PIGN: variants seen among roughly 807,000 people sequenced by gnomAD.
PIGN encodes phosphatidylinositol glycan anchor biosynthesis class N.
Under a neutral mutation model 125.4 loss-of-function variants are expected in PIGN, and 117 were observed. That is an observed-to-expected ratio of 0.93 (90% CI 0.80 to 1.09). The LOEUF (loss-of-function observed/expected upper bound fraction) is 1.09. Among genes scored for constraint, PIGN ranks in the 50% least tolerant of loss-of-function variants. PIGN has a pLI of 0.00. For missense variants in PIGN, 1,075 were observed against 1,094.9 expected, an observed-to-expected ratio of 0.98 and a Z score of 0.26; for synonymous variants, 392 against 377.8, an observed-to-expected ratio of 1.04 and a Z score of -0.44.
chr18:62,084,396 G>A, intron 27 of PIGN, 135 bp downstream of exon 27: 1 of 578,056 alleles, frequency 1.7e-6, no homozygotes. Context: ...AAGGGATAGA[G>A]GGTCTCACCT....
At position 62,147,027 on chromosome 18, in the gene PIGN, C is replaced by T. The variant is rs761044680; in HGVS notation, c.749G>A (p.Gly250Glu). ...GATAAATGTTGTTTTCCCATCATTT[C>T]CATAGAAGTGGTTAAACATAGACAC... Reference protein sequence around the residue: ...EIVSMFNHFYGNDGKTTFIFT... With the variant: ...EIVSMFNHFYENDGKTTFIFT... Residue 250 changes from glycine (G) to glutamate (E), a missense_variant, in exon 9 of 31, where the codon GGA becomes GAA. By Grantham distance (98) the Gly-to-Glu change is moderately conservative. Transcript: ENST00000640252. 1.2e-6 allele frequency: 2 copies of T among 1,612,022 alleles called. No homozygotes were observed. Among genetic ancestry groups the T allele is most frequent in the Admixed American group, 3.3e-5 (2 of 59,940 alleles).
intron 30 of PIGN, among the ~76,000 whole-genome samples, chr18:62,062,371 C>T (rs905266503): frequency 6.6e-5 from 10 of 152,184 alleles, no homozygotes; most frequent in Admixed American, 2.6e-4. Context: ...TCTAAGGTTT[C>T]TTATACCTGC....
intron 23 of PIGN, among the ~76,000 whole-genome samples, chr18:62,032,486 G>A (rs1465889797): frequency 1.3e-5 from 2 of 152,100 alleles, no homozygotes; most frequent in Non-Finnish European, 2.9e-5. Context: ...TCAACTTCAG[G>A]AGCATGTTTT....
At chr18:62,156,999 T>G in intron 6 of PIGN, 130 bp downstream of exon 6, 1 of 522,678 alleles carries the variant, frequency 1.9e-6, no homozygotes, top group Non-Finnish European at 3.4e-6. Flanking sequence ...ACATCCCTAT[T>G]TCAGAAATGT....
intron 28 of PIGN, among the ~76,000 whole-genome samples, chr18:62,082,133 T>C (rs1054396736): frequency 1.3e-5 from 2 of 152,110 alleles, no homozygotes; most frequent in African/African-American, 4.8e-5. Context: ...CTTGATTGCT[T>C]AAGACGGACT....
intron 10 of PIGN, among the ~76,000 whole-genome samples, chr18:62,145,138 GA>G (rs754947031): frequency 1.6e-4 from 24 of 151,944 alleles, no homozygotes; most frequent in Non-Finnish European, 3.2e-4. Context: ...TCTCCTACTA[GA>G]ATGTTAAGTT....
intron 1 of PIGN, among the ~76,000 whole-genome samples, chr18:62,168,853 A>ATTTT (rs375012504): frequency 1.6e-5 from 2 of 122,230 alleles, no homozygotes; most frequent in Non-Finnish European, 3.3e-5. Flanking sequence ...ACAACCACTA[A>ATTTT]TTTTTTTTTT....
chr18:62,167,878 A>T (rs2037210298), intron 1 of PIGN, among the ~76,000 whole-genome samples: 1 of 151,996 alleles, frequency 6.6e-6, no homozygotes, highest in Non-Finnish European at 1.5e-5. Context: ...CGGTGTATAT[A>T]AAAAAACAGT....
chr18:62,024,846 A>C (rs995060757), intron 23 of PIGN, among the ~76,000 whole-genome samples: 3 of 152,208 alleles, frequency 2.0e-5, no homozygotes, highest in Admixed American at 1.3e-4. Context: ...CAAAATAAAA[A>C]CAAATACTGA....
In PIGN at chr18:62,057,396, C is replaced by CT. The variant is rs201676368; in HGVS notation, c.2673-11418dup. Among the ~76,000 whole-genome samples, 1,297 of 152,260 alleles carry CT rather than the reference C, an allele frequency of 8.5e-3. 3 individuals are homozygous for CT. The highest frequency in any genetic ancestry group is 0.014 in the South Asian group (66 of 4,832). On this transcript the variant is annotated intron_variant, in intron 30 of 30. Transcript: ENST00000640252. ...ACAAAACTAGGAGTTGCCCTTGATT[C>CT]TTTTTTTCTCCCAGTATATTAGTCT...
chr18:62,136,236 A>G lies in PIGN; in HGVS notation c.1172+2007T>C, dbSNP rs557465717. 3 of 152,364 alleles carry G rather than the reference A, an allele frequency of 2.0e-5. No homozygotes were observed. In the South Asian group the frequency reaches 6.2e-4, roughly 32 times the overall value. The allele number at this position is 152,364 out of a possible 1,614,324, so 9.4% of individuals were successfully genotyped here. A position where few individuals can be genotyped will look rare whatever the true frequency, so the allele number is the denominator to read the frequency against. ...TTAGGGTAATCAATTTTATATGATT[A>G]TAACTTGCAAAATCCTAATTTCATT... On this transcript the variant is annotated intron_variant, in intron 14 of 30. Coordinates refer to ENST00000640252, the MANE Select transcript of PIGN (RefSeq NM_176787.5).
At chr18:62,166,690 T>C (rs111456492) in intron 1 of PIGN, among the ~76,000 whole-genome samples, 10,441 of 152,264 alleles carry the variant, frequency 0.069, 433 homozygotes, top group Middle Eastern at 0.15. Context: ...AAAGAAAATG[T>C]GGCATATATA....
intron 23 of PIGN, among the ~76,000 whole-genome samples, chr18:62,095,350 T>C (rs1599504594): frequency 6.6e-6 from 1 of 152,224 alleles, no homozygotes; most frequent in Admixed American, 6.5e-5. Context: ...TTTTGTTTTG[T>C]TTTGGCAAGA....
intron 21 of PIGN, 136 bp from the exon 22 acceptor site, chr18:62,101,319 T>C (rs2034430495): frequency 6.4e-6 from 4 of 629,282 alleles, no homozygotes; most frequent in Non-Finnish European, 1.1e-5. Context: ...TGAAATACAG[T>C]GGACAGTACA....
intron 17 of PIGN, among the ~76,000 whole-genome samples, chr18:62,109,137 A>C (rs1399820488): frequency 2.0e-5 from 3 of 152,202 alleles, no homozygotes; most frequent in African/African-American, 7.2e-5. Flanking sequence ...ATAGAAACCA[A>C]TAAGATCTGC....
intron 28 of PIGN, among the ~76,000 whole-genome samples, chr18:62,078,358 T>C (rs1187966837): frequency 7.9e-5 from 12 of 152,202 alleles, no homozygotes; most frequent in Admixed American, 7.2e-4. Flanking sequence ...AACCATTCTG[T>C]GGAAACTGAA....
intron 1 of PIGN, among the ~76,000 whole-genome samples, chr18:62,182,651 A>G (rs1811685207): frequency 6.6e-6 from 1 of 152,066 alleles, no homozygotes; most frequent in Admixed American, 6.5e-5. Context: ...TCTCTGATCC[A>G]TTTCTTGCCA....
intron 28 of PIGN, among the ~76,000 whole-genome samples, chr18:62,077,148 T>C (rs1028389017): frequency 1.3e-5 from 2 of 152,104 alleles, no homozygotes; most frequent in South Asian, 2.1e-4. Flanking sequence ...GAGGCCGAGG[T>C]GGGTGAATTG....
rs1456496219 is a variant in PIGN, at chr18:62,157,191, A to G, written c.380T>C (p.Phe127Ser). 1 of 1,609,074 alleles carries G rather than the reference A, an allele frequency of 6.2e-7. No individual in the cohort carries two copies. The change falls in exon 6 of 31, where the codon TTT (phenylalanine) becomes TCT (serine). Residue 127 changes from phenylalanine to serine, a missense_variant. Phe to Ser is a radical substitution (Grantham distance 155). Transcript: ENST00000640252. The part of the protein sequence containing the change: ...KENPVEFDSL[F>S]NESKYTWSWG... Reference sequence around the variant, plus strand: ...GCTCCATGTGTATTTACTTTCATTAAAAAGAGAATCAAACTCTACAGGATT... The same window carrying G: ...GCTCCATGTGTATTTACTTTCATTAGAAAGAGAATCAAACTCTACAGGATT...
Sources: gnomAD v4.1 joint callset for allele counts (sites outside exome capture counted in the v4.1 genomes callset) on GRCh38, gnomAD v4.1.1 for gene constraint, MANE v1.5 for transcripts, NCBI Gene and HGNC (gene_info 2026-07-23, HGNC 2026-07-21) for gene names.